Variants in TSEN2 observed in about 807,000 individuals in gnomAD.
TSEN2 encodes the protein tRNA-splicing endonuclease subunit Sen2.
TSEN2 carries 54 observed loss-of-function variants against 59.2 expected under a neutral mutation model. That is an observed-to-expected ratio of 0.91 (90% CI 0.73 to 1.14). The LOEUF is 1.14. Among genes scored for constraint, TSEN2 ranks in the 50% most tolerant of loss-of-function variants. The probability of loss-of-function intolerance (pLI) is 0.00; values close to 1 mark genes in which losing one functional copy is unlikely to be tolerated. For synonymous variants in TSEN2, 195 were observed against 198.2 expected, an observed-to-expected ratio of 0.98 and a Z score of 0.14; for missense variants, 636 against 576.2, an observed-to-expected ratio of 1.10 and a Z score of -1.06.
At chr3:12,532,328 T>C (rs2057513911) in intron 11 of TSEN2, among the ~76,000 whole-genome samples, 1 of 152,212 alleles carries the variant, frequency 6.6e-6, no homozygotes, top group South Asian at 2.1e-4. Context: ...TCTCAGTAGC[T>C]GGCCCCGTTA....
intron 1 of TSEN2, 36 bp from the exon 2 acceptor site, chr3:12,489,748 G>C: frequency 6.3e-7 from 1 of 1,575,878 alleles, no homozygotes; most frequent in Non-Finnish European, 8.6e-7. Flanking sequence ...GTTATTGATT[G>C]TCTGTTTCTT....
At chr3:12,510,692 T>A (rs1175155412) in intron 6 of TSEN2, among the ~76,000 whole-genome samples, 2 of 152,192 alleles carry the variant, frequency 1.3e-5, no homozygotes, top group African/African-American at 4.8e-5. Flanking sequence ...GGATTCCAAG[T>A]ATCAGAATCT....
intron 6 of TSEN2, among the ~76,000 whole-genome samples, chr3:12,515,256 G>A (rs928196215): frequency 9.2e-5 from 14 of 152,316 alleles, no homozygotes; most frequent in Admixed American, 7.2e-4. Flanking sequence ...TGCCGGGTTA[G>A]TGGTGGGGTG....
intron 8 of TSEN2, among the ~76,000 whole-genome samples, chr3:12,523,526 C>CTTTTTTTTTCTTTTTTTTTTTTTTTTTT: frequency 2.2e-5 from 1 of 46,480 alleles, no homozygotes; most frequent in Non-Finnish European, 4.3e-5. Flanking sequence ...CTCTTTGATT[C>CTTTTTTTTTCTTTTTTTTTTTTTTTTTT]TTTTTTTTTT....
At chr3:12,486,342 C>T (rs1011639638) in intron 1 of TSEN2, among the ~76,000 whole-genome samples, 3 of 152,174 alleles carry the variant, frequency 2.0e-5, no homozygotes, top group African/African-American at 4.8e-5. Flanking sequence ...TCTGCTTTGC[C>T]TTTCGAGTTC....
chr3:12,496,976 C>T (rs751147713), intron 4 of TSEN2, among the ~76,000 whole-genome samples: 21 of 152,132 alleles, frequency 1.4e-4, no homozygotes, highest in Admixed American at 9.8e-4. Context: ...ATTCCCGGAA[C>T]GTTTCTCCCT....
In TSEN2 at chr3:12,519,176, C is replaced by T; in HGVS notation, c.1078C>T (p.Leu360Phe). The T allele has an allele frequency of 6.2e-7, 1 of 1,614,202 alleles. No homozygotes were observed. Among genetic ancestry groups the T allele is most frequent in the East Asian group, 2.2e-5 (1 of 44,892 alleles). The change falls in exon 8 of 12, where the codon CTC becomes TTC. Residue 360 changes from leucine to phenylalanine, a missense_variant. Leu to Phe is a conservative substitution (Grantham distance 22). Transcript: ENST00000284995. ...RSKGWVPKVGLKYGTDLLLYR... is the reference protein window; with the variant it reads ...RSKGWVPKVGFKYGTDLLLYR... ...CAAGGGCTGGGTGCCCAAAGTGGGA[C>T]TCAAGTACGGGACAGATTTACGTAA...
In TSEN2 at chr3:12,503,713, G is replaced by A. The variant is rs778711036; in HGVS notation, c.760G>A (p.Asp254Asn). The A allele has an allele frequency of 6.2e-7, 1 of 1,613,838 alleles. No homozygotes were observed. Among genetic ancestry groups the A allele is most frequent in the Non-Finnish European group, 8.5e-7 (1 of 1,179,916 alleles). The change falls in exon 5 of 12, where the codon GAC becomes AAC. Residue 254 changes from aspartate (D) to asparagine (N), a missense_variant. Physicochemically the swap from Asp to Asn is conservative, Grantham distance 23. Transcript: ENST00000284995. Reference sequence around the variant, plus strand: ...CCTGCATCCTGGGGACAGAGGGCCTGACCATGAGTACGTGCTGGTCGAGGA... The same window carrying A: ...CCTGCATCCTGGGGACAGAGGGCCTAACCATGAGTACGTGCTGGTCGAGGA... ...GLLHPGDRGP[D>N]HEYVLVEEAE...
At chr3:12,525,177 T>C (rs897250695) in intron 8 of TSEN2, among the ~76,000 whole-genome samples, 1 of 152,192 alleles carries the variant, frequency 6.6e-6, no homozygotes, top group African/African-American at 2.4e-5. Flanking sequence ...AAGCTCGGGT[T>C]CTCTTAGCAC....
At chr3:12,504,246 G>T (rs1391498866) in intron 5 of TSEN2, among the ~76,000 whole-genome samples, 2 of 152,110 alleles carry the variant, frequency 1.3e-5, no homozygotes, top group Non-Finnish European at 2.9e-5. Flanking sequence ...CCCATTCAAA[G>T]AAATATCATG....
intron 6 of TSEN2, chr3:12,505,668 C>T (rs1226504608): frequency 1.7e-5 from 3 of 178,446 alleles, no homozygotes; most frequent in East Asian, 1.4e-4. Context: ...CCTGTAATCC[C>T]GACTACTCAG....
upstream of TSEN2, among the ~76,000 whole-genome samples, chr3:12,482,925 C>G (rs1006008692): frequency 2.0e-5 from 3 of 152,198 alleles, no homozygotes; most frequent in African/African-American, 7.2e-5. Flanking sequence ...CCAATTTTCT[C>G]CCTTTCTTTT....
chr3:12,535,433 A>G (rs138225240), downstream of TSEN2, among the ~76,000 whole-genome samples: 485 of 152,308 alleles, frequency 3.2e-3, 3 homozygotes, highest in African/African-American at 0.011. Context: ...CAATATTTTT[A>G]TTGCAAGTAT....
rs113580247 is a variant in TSEN2 at position 12,519,213 on chromosome 3, C to T, written c.1099+16C>T. 8.2e-5 allele frequency: 133 copies of T among 1,613,988 alleles called. 2 individuals are homozygous for T. In the African/African-American group the frequency reaches 1.0e-3, roughly 13 times the overall value. ...ACAGATTTACGTAAGTAATTCTTGGCGTGGTGTGTGTGAGAATAGAGTTTA... is the reference window on the plus strand; with the variant it reads ...ACAGATTTACGTAAGTAATTCTTGGTGTGGTGTGTGTGAGAATAGAGTTTA... On this transcript the variant is annotated intron_variant, in intron 8 of 11. Transcript: ENST00000284995.
At chr3:12,530,569 C>T in intron 10 of TSEN2, 1 of 985,512 alleles carries the variant, frequency 1.0e-6, no homozygotes, top group Non-Finnish European at 1.2e-6. Context: ...ATTGTAGATA[C>T]CCTCTAATTT....
At position 12,489,904 on chromosome 3, in the gene TSEN2, AAG is replaced by A. The variant is rs2053031775; in HGVS notation, c.106_107del (p.Glu36IlefsTer7). 1.2e-6 allele frequency: 2 copies of A among 1,614,066 alleles called. No individual in the cohort carries two copies. The highest frequency in any genetic ancestry group is 2.7e-5 in the African/African-American group (2 of 74,934). ...TTTGGTCAGGACCATGGTCCTCTGA[AAG>A]AATTCAAGATATTCCGTGCTGAAAT... On this transcript the variant is annotated frameshift_variant, in exon 2 of 12. Coordinates refer to ENST00000284995, the MANE Select transcript of TSEN2 (RefSeq NM_025265.4). LOFTEE classifies it high-confidence loss of function.
At chr3:12,518,814 C>A (rs2056377434) in intron 7 of TSEN2, among the ~76,000 whole-genome samples, 1 of 151,662 alleles carries the variant, frequency 6.6e-6, no homozygotes, top group Non-Finnish European at 1.5e-5. Context: ...CTGGACAGGG[C>A]AGGACCAGAC....
At chr3:12,529,668 A>G in intron 9 of TSEN2, 94 bp from the exon 10 acceptor site, 3 of 1,149,358 alleles carry the variant, frequency 2.6e-6, no homozygotes, top group Admixed American at 2.2e-5. Context: ...TGCAAATTTC[A>G]TTTTCTGTAT....
chr3:12,496,519 T>A lies in TSEN2; in HGVS notation c.273T>A (p.Asp91Glu), dbSNP rs1241398525. The change falls in exon 4 of 12, where the codon GAT becomes GAA. Residue 91 changes from aspartate (D) to glutamate (E), a missense_variant and splice_region_variant. Transcript: ENST00000284995. ...ACTAATAGAACTTCTTTGTTCCAGA[T>A]ATGAAGACAAACATGCCTATCATCA... ...SDPKLVAKWK[D>E]MKTNMPIITS... 6.2e-7 allele frequency: 1 copy of A among 1,614,168 alleles called. No homozygotes were observed. Among genetic ancestry groups the A allele is most frequent in the Admixed American group, 1.7e-5 (1 of 60,036 alleles).
Sources: gnomAD v4.1 joint callset for allele counts (sites outside exome capture counted in the v4.1 genomes callset) on GRCh38, gnomAD v4.1.1 for gene constraint, MANE v1.5 for transcripts, NCBI Gene and HGNC (gene_info 2026-07-23, HGNC 2026-07-21) for gene names.